Variants in MTDH observed in about 807,000 individuals in gnomAD.
The protein encoded by MTDH is metadherin.
Under a neutral mutation model 72.7 loss-of-function variants are expected in MTDH, and 34 were observed. The observed-to-expected ratio is 0.47, with a 90% CI of 0.36 to 0.62. MTDH has a LOEUF of 0.62. MTDH is among the 20% of genes least tolerant of loss of function. The pLI, the probability that MTDH is intolerant of heterozygous loss-of-function variation, is 0.00. For synonymous variants in MTDH, 266 were observed against 268.9 expected, an observed-to-expected ratio of 0.99 and a Z score of 0.10; for missense variants, 677 against 699.4, an observed-to-expected ratio of 0.97 and a Z score of 0.36.
chr8:97,661,437 C>T (rs1488517061), intron 2 of MTDH, among the ~76,000 whole-genome samples: 2 of 152,060 alleles, frequency 1.3e-5, no homozygotes, highest in Non-Finnish European at 2.9e-5. Flanking sequence ...TCATTCACAA[C>T]TTGAACATCT....
chr8:97,711,560 G>A (rs1051228916), intron 8 of MTDH, among the ~76,000 whole-genome samples: 1 of 151,954 alleles, frequency 6.6e-6, no homozygotes, highest in Non-Finnish European at 1.5e-5. Context: ...GTTTTCCCCA[G>A]TGGTAACATG....
chr8:97,719,020 A>G (rs1814994525), intron 9 of MTDH, 29 bp from the exon 10 acceptor site: 1 of 1,554,468 alleles, frequency 6.4e-7, no homozygotes, highest in East Asian at 2.2e-5. Context: ...AATGCTTTAT[A>G]TAATCTAATA....
At position 97,727,771 on chromosome 8, in the gene MTDH, A is replaced by C. The variant is rs1374228147; in HGVS notation, c.*3101A>C. Reference sequence around the variant, plus strand: ...AGCCTGTCTCCACATACATACTGAAAATTCTTCCCTACTCTGAGGCAGGGT... The same window carrying C: ...AGCCTGTCTCCACATACATACTGAACATTCTTCCCTACTCTGAGGCAGGGT... On this transcript the variant is annotated 3_prime_UTR_variant, in exon 12 of 12. Transcript: ENST00000336273. The C allele has an allele frequency of 6.6e-6, 1 of 152,076 alleles. No homozygotes were observed. Among genetic ancestry groups the C allele is most frequent in the African/African-American group, 2.4e-5 (1 of 41,414 alleles). 9.4% of individuals were successfully genotyped at this position (152,076 alleles called of 1,614,324 possible).
intron 1 of MTDH, among the ~76,000 whole-genome samples, chr8:97,651,635 A>G (rs1811776147): frequency 6.6e-6 from 1 of 152,186 alleles, no homozygotes; most frequent in Admixed American, 6.5e-5. Flanking sequence ...TAACAAATAA[A>G]TTTTAGTGAA....
At chr8:97,682,230 TTATATATATATATATATATATA>T (rs71271143) in intron 2 of MTDH, among the ~76,000 whole-genome samples, 1,537 of 33,710 alleles carry the variant, frequency 0.046, 78 homozygotes, top group African/African-American at 0.077. Context: ...GTTAATTACT[TTATATATATATATATATATATA>T]TATATATATA....
intron 8 of MTDH, among the ~76,000 whole-genome samples, chr8:97,708,863 G>C (rs1388837542): frequency 6.6e-6 from 1 of 151,904 alleles, no homozygotes; most frequent in Non-Finnish European, 1.5e-5. Flanking sequence ...GCCCCCCAGA[G>C]TGCTGGGATT....
At chr8:97,709,179 G>A (rs1586273753) in intron 8 of MTDH, among the ~76,000 whole-genome samples, 1 of 147,306 alleles carries the variant, frequency 6.8e-6, no homozygotes, top group Non-Finnish European at 1.5e-5. Context: ...GGACAACATA[G>A]CGAGACTCCA....
chr8:97,720,152 G>A (rs1004304397), intron 10 of MTDH, among the ~76,000 whole-genome samples: 1 of 152,108 alleles, frequency 6.6e-6, no homozygotes, highest in African/African-American at 2.4e-5. Flanking sequence ...AGGTGTGGTG[G>A]CAGGCACCTG....
chr8:97,654,917 T>C (rs1022388486), intron 1 of MTDH, among the ~76,000 whole-genome samples: 1 of 151,924 alleles, frequency 6.6e-6, no homozygotes, highest in East Asian at 1.9e-4. Flanking sequence ...CTGGGCAACA[T>C]GGCAAAACCC....
chr8:97,674,897 C>T (rs1812777981), intron 2 of MTDH, among the ~76,000 whole-genome samples: 1 of 151,950 alleles, frequency 6.6e-6, no homozygotes, highest in Admixed American at 6.6e-5. Context: ...TGCAACCTTG[C>T]CCTCCCGGGC....
rs1815183842 is a variant in MTDH, at chr8:97,722,860, T to A, written c.1522-19T>A. The A allele has an allele frequency of 1.9e-6, 3 of 1,579,812 alleles. No individual in the cohort carries two copies. Among genetic ancestry groups the A allele is most frequent in the Non-Finnish European group, 1.7e-6 (2 of 1,166,814 alleles). On this transcript the variant is annotated intron_variant, in intron 10 of 11. Coordinates refer to ENST00000336273, the MANE Select transcript of MTDH (RefSeq NM_178812.4). ...GAAAATTTCACCAAAAAACCTGAGA[T>A]GATTTTTTCCTAAAATAGCCTATCA...
chr8:97,688,738 T>C, intron 4 of MTDH, among the ~76,000 whole-genome samples: 1 of 152,160 alleles, frequency 6.6e-6, no homozygotes, highest in East Asian at 1.9e-4. Flanking sequence ...ATACTGCAGT[T>C]CATACTTAAA....
At chr8:97,707,767 C>T (rs1045686454) in intron 8 of MTDH, among the ~76,000 whole-genome samples, 1 of 151,524 alleles carries the variant, frequency 6.6e-6, no homozygotes, top group Non-Finnish European at 1.5e-5. Context: ...TAAACATAGG[C>T]TGGGCACAGT....
intron 8 of MTDH, among the ~76,000 whole-genome samples, chr8:97,712,274 G>A (rs911380641): frequency 1.3e-5 from 2 of 152,168 alleles, no homozygotes; most frequent in Admixed American, 1.3e-4. Context: ...CTGACCTTAG[G>A]GGATCCACCC....
intron 6 of MTDH, among the ~76,000 whole-genome samples, chr8:97,695,721 A>G (rs2131021591): frequency 6.6e-6 from 1 of 152,292 alleles, no homozygotes; most frequent in African/African-American, 2.4e-5. Flanking sequence ...TCTATTAGGT[A>G]TGAATCTCTA....
intron 7 of MTDH, among the ~76,000 whole-genome samples, chr8:97,701,377 G>A (rs963728639): frequency 4.6e-5 from 7 of 152,082 alleles, no homozygotes; most frequent in Non-Finnish European, 8.8e-5. Flanking sequence ...CTAATACAGT[G>A]TAAATAGTTG....
intron 7 of MTDH, among the ~76,000 whole-genome samples, chr8:97,700,945 T>A (rs1814095120): frequency 6.6e-6 from 1 of 152,102 alleles, no homozygotes; most frequent in Non-Finnish European, 1.5e-5. Context: ...GAGAGAAAGA[T>A]CAGGGAGGAC....
chr8:97,648,338 G>A lies in MTDH; in HGVS notation c.381+3451G>A, dbSNP rs554544648. ...TATTTTTCATGACATCTACCTCAAAGTCTGTATTAAATGGGCACTCAAGTA... is the reference window on the plus strand; with the variant it reads ...TATTTTTCATGACATCTACCTCAAAATCTGTATTAAATGGGCACTCAAGTA... On this transcript the variant is annotated intron_variant, in intron 1 of 11. Coordinates refer to ENST00000336273, the MANE Select transcript of MTDH (RefSeq NM_178812.4). 7.6e-4 allele frequency among the ~76,000 whole-genome samples: 115 copies of A among 151,502 alleles called. 1 individual carries two copies. Among genetic ancestry groups the A allele is most frequent in the African/African-American group, 2.7e-3 (111 of 41,262 alleles).
At position 97,687,474 on chromosome 8, in the gene MTDH, G is replaced by A. The variant is rs776922654; in HGVS notation, c.614G>A (p.Arg205His). The change falls in exon 4 of 12, where the codon CGT becomes CAT. Residue 205 changes from arginine (R) to histidine (H), a missense_variant. By Grantham distance (29) the Arg-to-His change is conservative. This residue lies in a region of MTDH where 467 missense variants were observed against 469.1 expected (regional missense o/e 1.00). Transcript: ENST00000336273. The stretch of plus-strand genomic sequence containing the variant: ...AGTCACAGAGAGAAACGACAGCAGC[G>A]TAAACGTGATAAGGTGCTGACTGAT... ...KISHREKRQQ[R>H]KRDKVLTDSG... 8 of 1,610,664 alleles carry A rather than the reference G, an allele frequency of 5.0e-6. No homozygotes were observed. The highest frequency in any genetic ancestry group is 1.1e-5 in the South Asian group (1 of 90,528).
Sources: gnomAD v4.1 joint callset for allele counts (sites outside exome capture counted in the v4.1 genomes callset) on GRCh38, gnomAD v4.1.1 for gene constraint, gnomAD v4.1.1 regional missense constraint, MANE v1.5 for transcripts, NCBI Gene and HGNC (gene_info 2026-07-23, HGNC 2026-07-21) for gene names.